Variants in APP observed in about 807,000 individuals in gnomAD.
APP encodes the protein amyloid-beta precursor protein.
In APP, 31 loss-of-function variants were observed where a neutral mutation model predicts 101.4. That is an observed-to-expected ratio of 0.31 (90% CI 0.23 to 0.41). The LOEUF is 0.41. APP is among the 10% of genes least tolerant of loss of function. The pLI is 1.00. For synonymous variants in APP, 366 were observed against 364.4 expected (o/e 1.00, Z -0.05); for missense variants, 839 against 1,003.7 (o/e 0.84, Z 2.22).
intron 1 of APP, among the ~76,000 whole-genome samples, chr21:26,168,117 A>T (rs1207150923): frequency 6.6e-6 from 1 of 152,220 alleles, no homozygotes; most frequent in African/African-American, 2.4e-5. Flanking sequence ...ATAAATAAAT[A>T]TTAGGGTAGT....
At chr21:26,125,465 C>G (rs925596198) in intron 1 of APP, among the ~76,000 whole-genome samples, 2 of 152,108 alleles carry the variant, frequency 1.3e-5, no homozygotes, top group Admixed American at 6.5e-5. Flanking sequence ...AGGTACTGCA[C>G]AGCCAAGACT....
intron 13 of APP, among the ~76,000 whole-genome samples, chr21:25,935,979 G>A (rs1248196640): frequency 6.6e-6 from 1 of 152,100 alleles, no homozygotes; most frequent in Non-Finnish European, 1.5e-5. Context: ...AATGCCTTAG[G>A]TGCAGAAACA....
chr21:25,924,443 T>TAAAAAA (rs1569061920), intron 13 of APP, among the ~76,000 whole-genome samples: 12 of 88,620 alleles, frequency 1.4e-4, no homozygotes, highest in African/African-American at 3.7e-4. Context: ...AAAAAAAAGG[T>TAAAAAA]TGAGTTCATG....
intron 8 of APP, among the ~76,000 whole-genome samples, chr21:25,987,975 T>A (rs563393812): frequency 6.6e-6 from 1 of 152,080 alleles, no homozygotes; most frequent in Non-Finnish European, 1.5e-5. Flanking sequence ...ATTTGTATTA[T>A]GGAGAAAAAG....
chr21:26,162,927 T>A lies in APP; in HGVS notation c.57+7637A>T, dbSNP rs563383046. ...CATCAGGCAAAAAAAAAAATTCCTA[T>A]CAAAATCACCAAAAAATTGGCCAGG... On this transcript the variant is annotated intron_variant, in intron 1 of 17. Coordinates refer to ENST00000346798, the MANE Select transcript of APP (RefSeq NM_000484.4). Among the ~76,000 whole-genome samples the A allele has an allele frequency of 3.6e-3, 529 of 147,300 alleles. 4 individuals carry two copies. The highest frequency in any genetic ancestry group is 0.013 in the African/African-American group (506 of 39,628).
intron 2 of APP, among the ~76,000 whole-genome samples, chr21:26,109,913 CAG>C: frequency 6.6e-6 from 1 of 152,262 alleles, no homozygotes; most frequent in South Asian, 2.1e-4. Context: ...ATTTGACACT[CAG>C]AATACATAGT....
At chr21:25,937,883 C>G (rs534865833) in intron 13 of APP, 1 of 152,408 alleles carries the variant, frequency 6.6e-6, no homozygotes, top group South Asian at 2.1e-4. Context: ...GATCCTCCAA[C>G]CACAGCCTCC....
At chr21:25,928,988 G>T (rs73182460) in intron 13 of APP, 10,479 of 152,276 alleles carry the variant, frequency 0.069, 466 homozygotes, top group South Asian at 0.17. Flanking sequence ...CCAAAGTGCT[G>T]GGATTACAGG....
chr21:25,965,274 G>A (rs1000858326), intron 11 of APP, among the ~76,000 whole-genome samples: 10 of 152,148 alleles, frequency 6.6e-5, no homozygotes, highest in African/African-American at 1.9e-4. Context: ...AGATATGTTC[G>A]ACTAACTCGG....
chr21:25,955,905 CCTA>C (rs2041298783), intron 11 of APP, 150 bp from the exon 12 acceptor site: 2 of 1,131,228 alleles, frequency 1.8e-6, no homozygotes, highest in African/African-American at 1.5e-5. Context: ...AAACATTTCT[CCTA>C]CTCCTTTCTT....
chr21:25,933,771 C>A (rs2040245625), intron 13 of APP: 1 of 151,362 alleles, frequency 6.6e-6, no homozygotes, highest in African/African-American at 2.4e-5. Flanking sequence ...AACTCTTTCA[C>A]GTTTTGGTAC....
chr21:26,139,621 C>T (rs561318187), intron 1 of APP, among the ~76,000 whole-genome samples: 92 of 152,304 alleles, frequency 6.0e-4, no homozygotes, highest in African/African-American at 2.2e-3. Context: ...TTCAACAGGG[C>T]TCAGTGGCTC....
intron 8 of APP, among the ~76,000 whole-genome samples, chr21:25,987,961 T>A (rs1433220106): frequency 6.6e-6 from 1 of 152,166 alleles, no homozygotes; most frequent in Non-Finnish European, 1.5e-5. Flanking sequence ...ATTGTTAATA[T>A]GTGATTTGTA....
chr21:26,124,533 T>C (rs2062641582), intron 1 of APP, among the ~76,000 whole-genome samples: 1 of 152,212 alleles, frequency 6.6e-6, no homozygotes, highest in Non-Finnish European at 1.5e-5. Context: ...ACATAAACAG[T>C]GTGAGCAGTG....
chr21:26,051,160 A>G lies in APP; in HGVS notation c.502T>C (p.Tyr168His). The G allele has an allele frequency of 1.2e-6, 2 of 1,614,134 alleles. No individual in the cohort carries two copies. Among genetic ancestry groups the G allele is most frequent in the Non-Finnish European group, 1.7e-6 (2 of 1,179,996 alleles). Reference sequence around the variant, plus strand: ...ATTCCGCAGGGCAGCAACATGCCGTAGTCATGCAAGTTGGTACTCTTCTCA... The same window carrying G: ...ATTCCGCAGGGCAGCAACATGCCGTGGTCATGCAAGTTGGTACTCTTCTCA... ...CSEKSTNLHD[Y>H]GMLLPCGIDK... Residue 168 changes from tyrosine to histidine, a missense_variant, in exon 5 of 18, where the codon TAC becomes CAC. Physicochemically the swap from Tyr to His is moderately conservative, Grantham distance 83. Coordinates refer to ENST00000346798, the MANE Select transcript of APP (RefSeq NM_000484.4).
At chr21:25,892,435 G>C (rs576278938) in intron 16 of APP, among the ~76,000 whole-genome samples, 6 of 150,636 alleles carry the variant, frequency 4.0e-5, no homozygotes, top group Non-Finnish European at 8.8e-5. Flanking sequence ...AAACAAAGGA[G>C]TTAAACAATA....
At chr21:26,071,832 G>A (rs1459621467) in intron 3 of APP, among the ~76,000 whole-genome samples, 4 of 152,182 alleles carry the variant, frequency 2.6e-5, no homozygotes, top group Admixed American at 6.5e-5. Context: ...CATTCTCTAA[G>A]CTTCAGGTGA....
chr21:26,058,761 C>A (rs1297736818), intron 3 of APP, among the ~76,000 whole-genome samples: 1 of 151,884 alleles, frequency 6.6e-6, no homozygotes, highest in Non-Finnish European at 1.5e-5. Flanking sequence ...CTTAGAGAGA[C>A]CCTACCTCTA....
intron 11 of APP, among the ~76,000 whole-genome samples, chr21:25,966,440 C>G (rs1401601297): frequency 6.6e-6 from 1 of 152,152 alleles, no homozygotes; most frequent in Non-Finnish European, 1.5e-5. Context: ...ATTTACTTTT[C>G]TGAAAGATGA....
Sources: allele counts gnomAD v4.1 joint callset (sites outside exome capture counted in the v4.1 genomes callset), GRCh38; gene constraint gnomAD v4.1.1; transcripts MANE v1.5; gene names NCBI Gene and HGNC (gene_info 2026-07-23, HGNC 2026-07-21).